The following ADAM20 variants were observed in gnomAD, a reference collection of about 807,000 sequenced individuals.
The protein encoded by ADAM20 is disintegrin and metalloproteinase domain-containing protein 20.
For synonymous variants in ADAM20, 305 were observed against 310.2 expected (o/e 0.98, Z 0.18); for missense variants, 871 against 883.2 (o/e 0.99, Z 0.18).
upstream of ADAM20, among the ~76,000 whole-genome samples, chr14:70,536,933 G>C (rs529785492): frequency 7.7e-6 from 1 of 130,184 alleles, no homozygotes; most frequent in South Asian, 2.4e-4. Flanking sequence ...ATAGGAGCAA[G>C]CACTCCTAAC....
chr14:70,522,750 C>T lies in ADAM20; in HGVS notation c.2008G>A (p.Gly670Ser), dbSNP rs768158998. ...GGAGGTGGGCCACTATCAGCACTAC[C>T]TCCATAGCCTTTGTCCTTGCAGTAT... ...PPYCKDKGYG[G>S]SADSGPPPKN... Residue 670 changes from glycine to serine, a missense_variant, in exon 2 of 2, where the codon GGT becomes AGT. Transcript: ENST00000256389. 6 of 1,613,960 alleles carry T rather than the reference C, an allele frequency of 3.7e-6. No homozygotes were observed. The highest frequency in any genetic ancestry group is 2.2e-5 in the East Asian group (1 of 44,892).
Position 70,524,823 on chromosome 14 carries a change from G to T in ADAM20, c.-66C>A. The stretch of plus-strand genomic sequence containing the variant: ...GAGAACAAGGTGTGAGGCACTGCTG[G>T]TCTGGCTCCTCCCTCTGAGCTGTTC... On this transcript the variant is annotated 5_prime_UTR_variant, in exon 2 of 2. Coordinates refer to ENST00000256389, the MANE Select transcript of ADAM20 (RefSeq NM_003814.5). 1 of 1,613,306 alleles carries T rather than the reference G, an allele frequency of 6.2e-7. No individual in the cohort carries two copies. The highest frequency in any genetic ancestry group is 8.5e-7 in the Non-Finnish European group (1 of 1,179,914).
Position 70,523,139 on chromosome 14 carries a change from CG to C in ADAM20, c.1618del (p.Arg540ValfsTer8). On this transcript the variant is annotated frameshift_variant, in exon 2 of 2. Transcript: ENST00000256389. LOFTEE classifies it low-confidence loss of function (END_TRUNC). ...CYQEINTQGN[R>X]FGHCGIVGTT... ...GCCTACAATACCACAGTGACCGAAA[CG>C]GTTTCCTTGGGTGTTGATTTCTTGG... The C allele has an allele frequency of 6.2e-7, 1 of 1,613,946 alleles. No individual in the cohort carries two copies. The highest frequency in any genetic ancestry group is 1.1e-5 in the South Asian group (1 of 91,068).
At chr14:70,555,970 G>T in the ADAM20 span, among the ~76,000 whole-genome samples, 1 of 152,178 alleles carries the variant, frequency 6.6e-6, no homozygotes, top group African/African-American at 2.4e-5. Context: ...CCCCGGATGC[G>T]GTGGCGGCCA....
the ADAM20 span, among the ~76,000 whole-genome samples, chr14:70,574,639 C>CAA: frequency 0.012 from 1,551 of 126,562 alleles, 15 homozygotes; most frequent in African/African-American, 0.042. Context: ...GACTCCGTCT[C>CAA]AAAAAAAAAA....
chr14:70,563,537 TGG>T, the ADAM20 span, among the ~76,000 whole-genome samples: 2 of 152,210 alleles, frequency 1.3e-5, no homozygotes, highest in Non-Finnish European at 2.9e-5. Flanking sequence ...TGATACAGTT[TGG>T]ACATTTGTCC....
the ADAM20 span, among the ~76,000 whole-genome samples, chr14:70,578,833 GCC>G: frequency 2.0e-5 from 3 of 151,864 alleles, no homozygotes; most frequent in African/African-American, 7.3e-5. Context: ...TTCAACGCTT[GCC>G]CCCCTCCCTC....
chr14:70,554,478 CA>C, the ADAM20 span, among the ~76,000 whole-genome samples: 1 of 152,142 alleles, frequency 6.6e-6, no homozygotes. Flanking sequence ...GATATGGAAA[CA>C]ATCTAAATGT....
intron 1 of ADAM20, among the ~76,000 whole-genome samples, chr14:70,528,267 G>A (rs895351480): frequency 6.6e-6 from 1 of 152,178 alleles, no homozygotes; most frequent in Non-Finnish European, 1.5e-5. Context: ...TGATGCACTC[G>A]CAGTGGGCGG....
At chr14:70,577,023 C>T in the ADAM20 span, among the ~76,000 whole-genome samples, 1 of 152,090 alleles carries the variant, frequency 6.6e-6, no homozygotes, top group East Asian at 1.9e-4. Context: ...AGCCTAGGTA[C>T]AAGAACAAGC....
the ADAM20 span, among the ~76,000 whole-genome samples, chr14:70,571,233 C>A: frequency 6.6e-6 from 1 of 152,190 alleles, no homozygotes; most frequent in African/African-American, 2.4e-5. Flanking sequence ...TGTGTCCCCA[C>A]CCAACTCTCA....
chr14:70,573,685 A>T, the ADAM20 span, among the ~76,000 whole-genome samples: 1 of 152,236 alleles, frequency 6.6e-6, no homozygotes, highest in Non-Finnish European at 1.5e-5. Flanking sequence ...AAGTGAAGGG[A>T]TAGAAAAGAT....
At chr14:70,558,929 T>A in the ADAM20 span, among the ~76,000 whole-genome samples, 1 of 152,168 alleles carries the variant, frequency 6.6e-6, no homozygotes, top group South Asian at 2.1e-4. Flanking sequence ...ACACTAAGTG[T>A]TGTTAGAGTT....
the ADAM20 span, among the ~76,000 whole-genome samples, chr14:70,542,053 G>C: frequency 6.7e-6 from 1 of 148,594 alleles, no homozygotes; most frequent in Admixed American, 6.6e-5. Flanking sequence ...AGGGAGACTA[G>C]AGTGATCTTT....
chr14:70,538,409 A>G (rs762316072), upstream of ADAM20, among the ~76,000 whole-genome samples: 8 of 152,346 alleles, frequency 5.3e-5, no homozygotes, highest in Non-Finnish European at 7.3e-5. Flanking sequence ...TGATATTTAT[A>G]TAATTCTAAC....
chr14:70,559,164 T>C, the ADAM20 span, among the ~76,000 whole-genome samples: 2 of 152,092 alleles, frequency 1.3e-5, no homozygotes, highest in Non-Finnish European at 2.9e-5. Flanking sequence ...TGAAAATAAA[T>C]ATGTCCAAAG....
At chr14:70,565,290 A>G in the ADAM20 span, among the ~76,000 whole-genome samples, 2 of 152,064 alleles carry the variant, frequency 1.3e-5, no homozygotes, top group African/African-American at 4.8e-5. Flanking sequence ...ATGGTACTCC[A>G]TCAAACCAAT....
At chr14:70,526,182 G>T (rs1220952822) in intron 1 of ADAM20, among the ~76,000 whole-genome samples, 1 of 152,192 alleles carries the variant, frequency 6.6e-6, no homozygotes, top group African/African-American at 2.4e-5. Flanking sequence ...ACTTAAAAAT[G>T]TTGTTAATGA....
the ADAM20 span, among the ~76,000 whole-genome samples, chr14:70,568,042 T>C: frequency 6.6e-6 from 1 of 152,162 alleles, no homozygotes; most frequent in Non-Finnish European, 1.5e-5. Context: ...AGCTGTCTCC[T>C]ACTCTTAAGT....
Sources: gnomAD v4.1 joint callset for allele counts (sites outside exome capture counted in the v4.1 genomes callset) on GRCh38, gnomAD v4.1.1 for gene constraint, MANE v1.5 for transcripts, NCBI Gene and HGNC (gene_info 2026-07-23, HGNC 2026-07-21) for gene names.